SLC4A3: variants seen among roughly 807,000 people sequenced by gnomAD.
The protein encoded by SLC4A3 is anion exchange protein 3.
A neutral mutation model predicts 114.2 loss-of-function variants in SLC4A3; 47 were observed. The observed-to-expected ratio is 0.41, with a 90% confidence interval of 0.33 to 0.52. SLC4A3 has a LOEUF of 0.52. SLC4A3 is among the 20% of genes least tolerant of loss of function. The probability of loss-of-function intolerance (pLI) is 0.21; values close to 1 mark genes in which losing one functional copy is unlikely to be tolerated. For synonymous variants in SLC4A3, 693 were observed against 710.3 expected, an observed-to-expected ratio of 0.98 and a Z score of 0.39; for missense variants, 1,312 against 1,668.3, an observed-to-expected ratio of 0.79 and a Z score of 3.72.
At position 219,641,036 on chromosome 2, in the gene SLC4A3, C is replaced by T. The variant is rs1297232306; in HGVS notation, c.3621+74C>T. On this transcript the variant is annotated intron_variant, in intron 22 of 22. Transcript: ENST00000358055. This position sits in a 1 kb window ranked among gnomAD's most constrained non-coding sequence, Gnocchi z 4.0. ...GGGTTCCAATCTCTGTTTGGCCACC[C>T]ACTAGTTGTGTTAGTTGTGAAACTT... is the stretch of plus-strand genomic sequence containing the variant. 1.4e-6 allele frequency: 2 copies of T among 1,406,732 alleles called. No homozygotes were observed. Among genetic ancestry groups the T allele is most frequent in the African/African-American group, 1.4e-5 (1 of 70,308 alleles). 87.1% of individuals were successfully genotyped at this position (1,406,732 alleles called of 1,614,324 possible).
In SLC4A3 at chr2:219,627,915, C is replaced by T; in HGVS notation, c.-78C>T. The T allele has an allele frequency of 4.1e-6, 5 of 1,226,428 alleles. No homozygotes were observed. The highest frequency in any genetic ancestry group is 1.5e-5 in the African/African-American group (1 of 64,658). The allele number at this position is 1,226,428 out of a possible 1,614,324, so 76.0% of individuals were successfully genotyped here. ...CCTCCCCCAGGGCTCCCCGCTAGGC[C>T]CCCTCAGTGGCCCCTCCTTCTCACC... On this transcript the variant is annotated 5_prime_UTR_variant, in exon 2 of 23. Transcript: ENST00000358055.
At chr2:219,629,022 G>A in intron 3 of SLC4A3, 122 bp from the exon 4 acceptor site, 2 of 1,206,990 alleles carry the variant, frequency 1.7e-6, no homozygotes, top group Non-Finnish European at 2.2e-6. Context: ...GGGGGTCATG[G>A]CCCTGGAGGA....
At position 219,641,326 on chromosome 2, in the gene SLC4A3, A is replaced by G. The variant is rs1284058117; in HGVS notation, c.3622-325A>G. Among the ~76,000 whole-genome samples the G allele has an allele frequency of 1.3e-5, 2 of 152,176 alleles. No homozygotes were observed. The highest frequency in any genetic ancestry group is 2.9e-5 in the Non-Finnish European group (2 of 68,032). ...GTCCACCCTGAGCCCTGTTTTTGTC[A>G]ACTAGAGGAAAAGACATCTTTTTGC... On this transcript the variant is annotated intron_variant, in intron 22 of 22. Coordinates refer to ENST00000358055, the MANE Select transcript of SLC4A3 (RefSeq NM_005070.4). This position sits in a 1 kb window ranked among gnomAD's most constrained non-coding sequence, Gnocchi z 4.0.
chr2:219,638,399 TC>T lies in SLC4A3; in HGVS notation c.2856+150del. 1 of 695,354 alleles carries T rather than the reference TC, an allele frequency of 1.4e-6. No individual in the cohort carries two copies. The highest frequency in any genetic ancestry group is 2.5e-6 in the Non-Finnish European group (1 of 405,052). 43.1% of individuals were successfully genotyped at this position (695,354 alleles called of 1,614,324 possible). On this transcript the variant is annotated intron_variant, in intron 18 of 22. Transcript: ENST00000358055. The surrounding 1 kb of genome is among the most constrained non-coding windows in gnomAD (Gnocchi z 7.5). ...TGGCCGCCCTGGGGGCTGAGGGCCT[TC>T]CCCAGGGAGCCTGAGTGATGAATCC... is the stretch of plus-strand genomic sequence containing the variant.
chr2:219,636,449 A>C lies in SLC4A3; in HGVS notation c.2339A>C (p.Lys780Thr). The C allele has an allele frequency of 1.2e-6, 2 of 1,603,902 alleles. No individual in the cohort carries two copies. The highest frequency in any genetic ancestry group is 1.7e-6 in the Non-Finnish European group (2 of 1,175,454). ...CTTGTGTTTGAGGAAGCCTTCTTCA[A>C]GGTGAGGCGAAGCCTTGCCCTGCTC... is the stretch of plus-strand genomic sequence containing the variant. ...PLLVFEEAFF[K>T]FCRAQDLEYL... The change falls in exon 15 of 23, where the codon AAG (lysine) becomes ACG (threonine). Residue 780 changes from lysine (K) to threonine (T), a missense_variant and splice_region_variant. This residue lies in a region of SLC4A3 where 771 missense variants were observed against 977.7 expected (regional missense o/e 0.79). Coordinates refer to ENST00000358055, the MANE Select transcript of SLC4A3 (RefSeq NM_005070.4). This position sits in a 1 kb window ranked among gnomAD's most constrained non-coding sequence, Gnocchi z 5.5.
Position 219,639,848 on chromosome 2 carries a change from T to C in SLC4A3, c.3277+113T>C. 7.9e-6 allele frequency: 11 copies of C among 1,395,216 alleles called. No individual in the cohort carries two copies. Among genetic ancestry groups the C allele is most frequent in the Non-Finnish European group, 1.1e-5 (11 of 1,029,634 alleles). 86.4% of individuals were successfully genotyped at this position (1,395,216 alleles called of 1,614,324 possible). ...CCAATGTGCTGTGTGTTGCCCTCAA[T>C]CTGACCCCCAAACCTGCTTCCCAGC... On this transcript the variant is annotated intron_variant, in intron 20 of 22. Coordinates refer to ENST00000358055, the MANE Select transcript of SLC4A3 (RefSeq NM_005070.4). This position sits in a 1 kb window ranked among gnomAD's most constrained non-coding sequence, Gnocchi z 5.9.
Position 219,633,200 on chromosome 2 carries a change from C to T in SLC4A3, c.1278-74C>T, listed in dbSNP as rs557002472. On this transcript the variant is annotated intron_variant, in intron 9 of 22. Transcript: ENST00000358055. Reference sequence around the variant, plus strand: ...AGGCAGAGGGATGGAGGTCCTGACCCTCCACTACTCACCTCATGACCTCAG... The same window carrying T: ...AGGCAGAGGGATGGAGGTCCTGACCTTCCACTACTCACCTCATGACCTCAG... 1.8e-4 allele frequency: 262 copies of T among 1,436,224 alleles called. 1 individual carries two copies. In the African/African-American group the frequency reaches 3.2e-3, roughly 18 times the overall value. 89.0% of individuals were successfully genotyped at this position (1,436,224 alleles called of 1,614,324 possible).
intron 20 of SLC4A3, 129 bp from the exon 21 acceptor site, chr2:219,640,301 T>C (rs1211659081): frequency 3.5e-6 from 3 of 863,954 alleles, no homozygotes; most frequent in Non-Finnish European, 4.9e-6. Context: ...CCATGTCGCC[T>C]CCCCCCAGGC....
rs1699046972 is a variant in SLC4A3 at position 219,634,425 on chromosome 2, G to A, written c.1567G>A (p.Val523Met). The change falls in exon 12 of 23, where the codon GTG (valine) becomes ATG (methionine). Residue 523 changes from valine (V) to methionine (M), a missense_variant. Physicochemically the swap from Val to Met is conservative, Grantham distance 21. Around this residue, in one of 4 missense-constraint regions of SLC4A3, gnomAD observed 771 missense variants for 977.7 expected, o/e 0.79. Transcript: ENST00000358055. The stretch of plus-strand genomic sequence containing the variant: ...GTGCTTTCCTCTTCCCCTAGGTTGT[G>A]TGCCTTTCTTGGAGCAGCCTGCAGC... ...AEATVVLVGC[V>M]PFLEQPAAAF... is the part of the protein sequence containing the mutation. 6.2e-7 allele frequency: 1 copy of A among 1,614,126 alleles called. No homozygotes were observed.
chr2:219,632,973 G>A lies in SLC4A3; in HGVS notation c.1241G>A (p.Arg414Lys). ...TCTGACCAGATCCGGCCGGAGGACA[G>A]GGCCAGCGTCCTACGTACCCTGCTA... ...IVSDQIRPED[R>K]ASVLRTLLLK... Residue 414 changes from arginine (R) to lysine (K), a missense_variant, in exon 9 of 23, where the codon AGG (arginine) becomes AAG (lysine). This residue lies in a region of SLC4A3 where 771 missense variants were observed against 977.7 expected (regional missense o/e 0.79). Transcript: ENST00000358055. 2 of 1,614,086 alleles carry A rather than the reference G, an allele frequency of 1.2e-6. No homozygotes were observed. Among genetic ancestry groups the A allele is most frequent in the Non-Finnish European group, 1.7e-6 (2 of 1,180,022 alleles).
In SLC4A3 at chr2:219,631,139, G is replaced by C. The variant is rs984806528; in HGVS notation, c.811+787G>C. On this transcript the variant is annotated intron_variant, in intron 6 of 22. Coordinates refer to ENST00000358055, the MANE Select transcript of SLC4A3 (RefSeq NM_005070.4). The surrounding 1 kb of genome is among the most constrained non-coding windows in gnomAD (Gnocchi z 6.3). ...GGGTCGGGAGGCTGTGCCACCTTCA[G>C]CTCTGGTTGGACAGAAGCCACCCCG... 8.5e-7 allele frequency: 1 copy of C among 1,174,894 alleles called. No individual in the cohort carries two copies. The highest frequency in any genetic ancestry group is 1.1e-6 in the Non-Finnish European group (1 of 926,144). 72.8% of individuals were successfully genotyped at this position (1,174,894 alleles called of 1,614,324 possible).
chr2:219,638,611 T>C lies in SLC4A3; in HGVS notation c.2857-92T>C, dbSNP rs1699211375. On this transcript the variant is annotated intron_variant, in intron 18 of 22. Coordinates refer to ENST00000358055, the MANE Select transcript of SLC4A3 (RefSeq NM_005070.4). The surrounding 1 kb of genome is among the most constrained non-coding windows in gnomAD (Gnocchi z 7.5). ...CTGTTCACACCCCAGCTCCCTGAAG[T>C]CCTGGACTGGGGACGCAGCTTAGTG... 1 of 1,345,184 alleles carries C rather than the reference T, an allele frequency of 7.4e-7. No homozygotes were observed. The highest frequency in any genetic ancestry group is 1.0e-6 in the Non-Finnish European group (1 of 964,982). The allele number at this position is 1,345,184 out of a possible 1,614,324, so 83.3% of individuals were successfully genotyped here.
At chr2:219,635,600 C>T (rs143511057) in intron 13 of SLC4A3, 73 bp from the exon 14 acceptor site, 58 of 1,479,494 alleles carry the variant, frequency 3.9e-5, no homozygotes, top group Non-Finnish European at 4.4e-5. Flanking sequence ...CCTTTGCATC[C>T]CTGATCCCAA....
At position 219,633,303 on chromosome 2, in the gene SLC4A3, T is replaced by G; in HGVS notation, c.1307T>G (p.Phe436Cys). Reference protein sequence around the residue: ...SHPNDDKDSGFFPRNPSSSSM... With the variant: ...SHPNDDKDSGCFPRNPSSSSM... Reference sequence around the variant, plus strand: ...CCCAACGATGACAAGGACAGTGGCTTCTTTCCCCGAAACCCATCGAGCTCC... The same window carrying G: ...CCCAACGATGACAAGGACAGTGGCTGCTTTCCCCGAAACCCATCGAGCTCC... Residue 436 changes from phenylalanine to cysteine, a missense_variant, in exon 10 of 23, where the codon TTC becomes TGC. Physicochemically the swap from Phe to Cys is radical, Grantham distance 205. This residue lies in a region of SLC4A3 where 771 missense variants were observed against 977.7 expected (regional missense o/e 0.79). Transcript: ENST00000358055. 2 of 1,583,914 alleles carry G rather than the reference T, an allele frequency of 1.3e-6. No individual in the cohort carries two copies. Among genetic ancestry groups the G allele is most frequent in the Non-Finnish European group, 1.7e-6 (2 of 1,163,636 alleles).
Position 219,638,867 on chromosome 2 carries a change from G to A in SLC4A3, c.3021G>A (p.Thr1007=), listed in dbSNP as rs200325732. The change falls in exon 19 of 23, where the codon ACG becomes ACA. Residue 1007 remains threonine (T), a splice_region_variant and synonymous_variant. Transcript: ENST00000358055. This position sits in a 1 kb window ranked among gnomAD's most constrained non-coding sequence, Gnocchi z 7.5. ...TGATCTTCATGGAGACACAGATCAC[G>A]GCGTGAGAGAGATGGGAGGAGGAGG... The part of the protein sequence containing the change: ...LILIFMETQI[T]ALIVSQKARR... 77 of 1,613,176 alleles carry A rather than the reference G, an allele frequency of 4.8e-5. No homozygotes were observed. Among genetic ancestry groups the A allele is most frequent in the East Asian group, 6.7e-5 (3 of 44,892 alleles).
In SLC4A3 at chr2:219,629,310, G is replaced by A. The variant is rs896189541; in HGVS notation, c.384G>A (p.Glu128=). The A allele has an allele frequency of 6.2e-7, 1 of 1,613,572 alleles. No individual in the cohort carries two copies. Among genetic ancestry groups the A allele is most frequent in the Non-Finnish European group, 8.5e-7 (1 of 1,179,722 alleles). ...CCGAGGGGACCCCTCCCATCCAGGA[G>A]GAGGGGGGAGCTGGAGTGGATGAGG... The part of the protein sequence containing the change: ...PPSEGTPPIQ[E]EGGAGVDEEE... Residue 128 remains glutamate (E), a synonymous_variant, in exon 4 of 23, where the codon GAG becomes GAA. Coordinates refer to ENST00000358055, the MANE Select transcript of SLC4A3 (RefSeq NM_005070.4).
In SLC4A3 at chr2:219,627,740, C is replaced by A. The variant is rs1698764202; in HGVS notation, c.-99C>A. Reference sequence around the variant, plus strand: ...GCCTGGGCCTCGCAGGCTCCGGAGCCCCGAGGTACCGCGGGGCGGGGCACG... The same window carrying A: ...GCCTGGGCCTCGCAGGCTCCGGAGCACCGAGGTACCGCGGGGCGGGGCACG... On this transcript the variant is annotated 5_prime_UTR_variant, in exon 1 of 23. Coordinates refer to ENST00000358055, the MANE Select transcript of SLC4A3 (RefSeq NM_005070.4). 6.6e-6 allele frequency: 2 copies of A among 301,224 alleles called. No individual in the cohort carries two copies. The highest frequency in any genetic ancestry group is 2.9e-4 in the South Asian group (2 of 6,796). The allele number at this position is 301,224 out of a possible 1,614,324, so 18.7% of individuals were successfully genotyped here.
chr2:219,640,463 G>T lies in SLC4A3; in HGVS notation c.3311G>T (p.Arg1104Leu), dbSNP rs142906789. 6 of 1,613,904 alleles carry T rather than the reference G, an allele frequency of 3.7e-6. No individual in the cohort carries two copies. The Admixed American group carries it at 8.3e-5, about 22-fold the overall frequency. ...LSIVMGAVLR[R>L]IPLAVLFGIF... ...ATCGTCATGGGGGCTGTGCTGCGTC[G>T]GATCCCATTGGCTGTGCTCTTTGGG... Residue 1104 changes from arginine to leucine, a missense_variant, in exon 21 of 23, where the codon CGG (arginine) becomes CTG (leucine). Physicochemically the swap from Arg to Leu is moderately radical, Grantham distance 102. Transcript: ENST00000358055.
Position 219,641,757 on chromosome 2 carries a change from C to G in SLC4A3, c.*29C>G. The G allele has an allele frequency of 6.3e-7, 1 of 1,582,816 alleles. No homozygotes were observed. The highest frequency in any genetic ancestry group is 8.7e-7 in the Non-Finnish European group (1 of 1,151,698). On this transcript the variant is annotated 3_prime_UTR_variant, in exon 23 of 23. Coordinates refer to ENST00000358055, the MANE Select transcript of SLC4A3 (RefSeq NM_005070.4). This position sits in a 1 kb window ranked among gnomAD's most constrained non-coding sequence, Gnocchi z 4.0. ...TTGAAGACAGTGCCCCTCAGAGACC[C>G]CAAGACCTTAGGGATTGACACCTGG...
Sources: gnomAD v4.1 joint callset for allele counts (sites outside exome capture counted in the v4.1 genomes callset) on GRCh38, gnomAD v4.1.1 for gene constraint, gnomAD v4.1.1 regional missense constraint, Gnocchi (gnomAD v3.1) non-coding constraint, MANE v1.5 for transcripts, NCBI Gene and HGNC (gene_info 2026-07-23, HGNC 2026-07-21) for gene names.